Variants in ALCAM observed in about 807,000 individuals in gnomAD.
ALCAM encodes CD166 antigen.
A neutral mutation model predicts 70.9 loss-of-function variants in ALCAM; 30 were observed. The observed-to-expected ratio is 0.42, with a 90% CI of 0.32 to 0.57. The LOEUF (loss-of-function observed/expected upper bound fraction) is 0.57. ALCAM is among the 20% of genes least tolerant of loss of function. The pLI, the probability that ALCAM is intolerant of heterozygous loss-of-function variation, is 0.11. For missense variants in ALCAM, 591 were observed against 695.1 expected (o/e 0.85, Z 1.68); for synonymous variants, 249 against 242.5 (o/e 1.03, Z -0.25).
rs561819829 is a variant in ALCAM, at chr3:105,392,064, T to C, written c.73+24583T>C. ...TTTGTATTTCTGCCAGGTTTTGGTA[T>C]CACGATAATGCTGGTCTCACAAAAT... is the stretch of plus-strand genomic sequence containing the variant. On this transcript the variant is annotated intron_variant, in intron 1 of 15. Coordinates refer to ENST00000306107, the MANE Select transcript of ALCAM (RefSeq NM_001627.4). Among the ~76,000 whole-genome samples, 3 of 151,998 alleles carry C rather than the reference T, an allele frequency of 2.0e-5. No homozygotes were observed. The South Asian group carries it at 6.2e-4, about 31-fold the overall frequency.
intron 6 of ALCAM, among the ~76,000 whole-genome samples, chr3:105,538,001 G>T (rs1021881647): frequency 4.6e-4 from 70 of 152,102 alleles, no homozygotes; most frequent in African/African-American, 1.7e-3. Flanking sequence ...CACTTGAGCT[G>T]GGTTCAAGCC....
intron 1 of ALCAM, among the ~76,000 whole-genome samples, chr3:105,474,386 A>G (rs533787270): frequency 5.3e-4 from 81 of 151,818 alleles, no homozygotes; most frequent in Admixed American, 7.9e-4. Context: ...GACTAGATTG[A>G]GGTTTTATAT....
intron 14 of ALCAM, among the ~76,000 whole-genome samples, chr3:105,557,196 T>A (rs1249148940): frequency 6.6e-6 from 1 of 152,140 alleles, no homozygotes; most frequent in East Asian, 1.9e-4. Flanking sequence ...TCTCCACTTG[T>A]ATGAGAAGTC....
chr3:105,510,224 G>T (rs545739772), intron 1 of ALCAM, among the ~76,000 whole-genome samples: 3 of 152,168 alleles, frequency 2.0e-5, no homozygotes, highest in African/African-American at 7.2e-5. Context: ...ATGAAGGTTG[G>T]GTGGAAGCGT....
At chr3:105,426,820 G>T (rs540463821) in intron 1 of ALCAM, among the ~76,000 whole-genome samples, 48 of 151,776 alleles carry the variant, frequency 3.2e-4, no homozygotes, top group African/African-American at 1.1e-3. Flanking sequence ...GGCTATGATT[G>T]CCCCCACCTC....
chr3:105,421,099 A>T (rs1266975084), intron 1 of ALCAM, among the ~76,000 whole-genome samples: 1 of 151,492 alleles, frequency 6.6e-6, no homozygotes, highest in Non-Finnish European at 1.5e-5. Context: ...TTTAGGAGTT[A>T]GATGTTTTCC....
intron 3 of ALCAM, 150 bp downstream of exon 3, chr3:105,524,658 A>G: frequency 7.3e-7 from 1 of 1,366,456 alleles, no homozygotes; most frequent in Non-Finnish European, 9.5e-7. Context: ...CTGCTCATAT[A>G]TACTATCAGC....
At chr3:105,466,747 A>C (rs922940534) in intron 1 of ALCAM, among the ~76,000 whole-genome samples, 1 of 151,408 alleles carries the variant, frequency 6.6e-6, no homozygotes, top group African/African-American at 2.4e-5. Flanking sequence ...ATCTATATCC[A>C]GTTCAAATGA....
chr3:105,370,239 T>A (rs1419479233), intron 1 of ALCAM, among the ~76,000 whole-genome samples: 1 of 152,238 alleles, frequency 6.6e-6, no homozygotes. Flanking sequence ...CAAAGACTAT[T>A]GATGTAGGAC....
chr3:105,376,551 T>A (rs1935383230), intron 1 of ALCAM, among the ~76,000 whole-genome samples: 1 of 152,212 alleles, frequency 6.6e-6, no homozygotes, highest in East Asian at 1.9e-4. Flanking sequence ...GATATGGAAA[T>A]AAACTAATTA....
rs1283277519 is a variant in ALCAM, at chr3:105,435,860, G to A, written c.73+68379G>A. 3.3e-5 allele frequency among the ~76,000 whole-genome samples: 5 copies of A among 151,922 alleles called. No homozygotes were observed. The South Asian group carries it at 6.3e-4, about 19-fold the overall frequency. ...GGCTGGAGTGCAGTGGCGCGATCTC[G>A]GCTCACTGCAAGCTCCGCCTCCCGG... On this transcript the variant is annotated intron_variant, in intron 1 of 15. Coordinates refer to ENST00000306107, the MANE Select transcript of ALCAM (RefSeq NM_001627.4).
chr3:105,488,659 AG>A (rs1013869735), intron 1 of ALCAM, among the ~76,000 whole-genome samples: 1 of 142,438 alleles, frequency 7.0e-6, no homozygotes, highest in Non-Finnish European at 1.5e-5. Context: ...GATGGAAGGA[AG>A]GGGAAGGGAA....
intron 3 of ALCAM, among the ~76,000 whole-genome samples, chr3:105,529,178 G>C (rs1939778120): frequency 6.6e-6 from 1 of 152,064 alleles, no homozygotes; most frequent in South Asian, 2.1e-4. Flanking sequence ...ATAAACAAAG[G>C]CATGATTTTT....
intron 3 of ALCAM, chr3:105,525,125 G>C: frequency 1.0e-6 from 1 of 981,284 alleles, no homozygotes; most frequent in South Asian, 4.7e-5. Context: ...ATTTCAAAAA[G>C]TATTCACTTG....
chr3:105,380,213 T>A (rs1202082693), intron 1 of ALCAM, among the ~76,000 whole-genome samples: 1 of 151,890 alleles, frequency 6.6e-6, no homozygotes, highest in Non-Finnish European at 1.5e-5. Flanking sequence ...CAAATTGTAT[T>A]TTCAAGCTAA....
chr3:105,412,773 T>A (rs1378994095), intron 1 of ALCAM, among the ~76,000 whole-genome samples: 1 of 152,076 alleles, frequency 6.6e-6, no homozygotes, highest in African/African-American at 2.4e-5. Context: ...ACTTGGAATA[T>A]GTGTGAATAA....
intron 1 of ALCAM, among the ~76,000 whole-genome samples, chr3:105,410,733 C>G (rs1206243215): frequency 2.0e-5 from 3 of 152,014 alleles, no homozygotes; most frequent in South Asian, 4.1e-4. Flanking sequence ...CATTTTGACC[C>G]ATTCTTAAAT....
intron 11 of ALCAM, among the ~76,000 whole-genome samples, chr3:105,549,876 TA>T (rs1940350402): frequency 6.6e-6 from 1 of 151,356 alleles, no homozygotes; most frequent in Non-Finnish European, 1.5e-5. Flanking sequence ...AGATTCTATT[TA>T]AAAAGAAGAG....
intron 1 of ALCAM, among the ~76,000 whole-genome samples, chr3:105,463,367 T>C (rs1300711869): frequency 3.3e-5 from 5 of 151,446 alleles, no homozygotes; most frequent in Admixed American, 1.3e-4. Flanking sequence ...CGCAAATGTA[T>C]TTCCTAATTT....
Sources: allele counts gnomAD v4.1 joint callset (sites outside exome capture counted in the v4.1 genomes callset), GRCh38; gene constraint gnomAD v4.1.1; transcripts MANE v1.5; gene names NCBI Gene and HGNC (gene_info 2026-07-23, HGNC 2026-07-21).